The following PHF3 variants were observed in gnomAD, a reference collection of about 807,000 sequenced individuals.
PHF3 encodes the protein PHD finger protein 3.
In PHF3, 41 loss-of-function variants were observed where a neutral mutation model predicts 178.4. That is an observed-to-expected ratio of 0.23 (90% CI 0.18 to 0.30). The LOEUF (loss-of-function observed/expected upper bound fraction) is 0.30. Among genes scored for constraint, PHF3 ranks in the 10% least tolerant of loss-of-function variants. The pLI is 1.00. For synonymous variants in PHF3, 842 were observed against 800.5 expected (o/e 1.05, Z -0.88); for missense variants, 2,346 against 2,398.1 (o/e 0.98, Z 0.45).
intron 5 of PHF3, among the ~76,000 whole-genome samples, chr6:63,694,183 T>G (rs1767131733): frequency 6.6e-6 from 1 of 152,230 alleles, no homozygotes; most frequent in Non-Finnish European, 1.5e-5. Flanking sequence ...TGATGGTTTA[T>G]TCTACCTCAT....
In PHF3 at chr6:63,713,584, C is replaced by A. The variant is rs755204097; in HGVS notation, c.5996C>A (p.Pro1999His). Residue 1999 changes from proline to histidine, a missense_variant, in exon 16 of 16, where the codon CCT becomes CAT. Physicochemically the swap from Pro to His is moderately conservative, Grantham distance 77 (BLOSUM62 -2). Transcript: ENST00000262043. Reference protein sequence around the residue: ...SRNVDKKPDKPKSEDYEKDKE... With the variant: ...SRNVDKKPDKHKSEDYEKDKE... ...AATGTAGACAAGAAGCCAGATAAAC[C>A]TAAAAGTGAAGACTATGAGAAGGAC... 8.1e-6 allele frequency: 13 copies of A among 1,613,244 alleles called. No individual in the cohort carries two copies. The highest frequency in any genetic ancestry group is 9.3e-6 in the Non-Finnish European group (11 of 1,179,802).
In PHF3 at chr6:63,721,295, C is replaced by T; in HGVS notation, c.*7587C>T. The T allele has an allele frequency of 6.4e-7, 1 of 1,551,956 alleles. No homozygotes were observed. The highest frequency in any genetic ancestry group is 8.7e-7 in the Non-Finnish European group (1 of 1,147,000). On this transcript the variant is annotated 3_prime_UTR_variant, in exon 16 of 16. Coordinates refer to ENST00000262043, the MANE Select transcript of PHF3 (RefSeq NM_001370348.2). ...AAAGATTATTCAAACAGGACACAGA[C>T]TGGTTACATGTATTTCCAGCCCAAT...
intron 2 of PHF3, among the ~76,000 whole-genome samples, chr6:63,675,915 G>T (rs915262423): frequency 6.6e-6 from 1 of 152,038 alleles, no homozygotes; most frequent in Admixed American, 6.5e-5. Flanking sequence ...CTGATTCTCT[G>T]CTTTGTGTGT....
chr6:63,707,271 G>A (rs1767735592), intron 13 of PHF3, among the ~76,000 whole-genome samples: 1 of 152,182 alleles, frequency 6.6e-6, no homozygotes, highest in African/African-American at 2.4e-5. Context: ...CACTGCTTAT[G>A]TTTCCCCATC....
chr6:63,643,258 A>G (rs961913112), intron 1 of PHF3, among the ~76,000 whole-genome samples: 9 of 152,128 alleles, frequency 5.9e-5, no homozygotes, highest in Admixed American at 2.0e-4. Context: ...CATTAGAGCT[A>G]TTTTATTTTT....
At chr6:63,700,575 C>G (rs1173874706) in intron 9 of PHF3, 109 bp downstream of exon 9, 1 of 591,368 alleles carries the variant, frequency 1.7e-6, no homozygotes, top group East Asian at 2.9e-5. Context: ...ATAACACAGA[C>G]TTTCTGTTAC....
At chr6:63,678,691 C>G in intron 2 of PHF3, 2 of 279,794 alleles carry the variant, frequency 7.1e-6, no homozygotes, top group Non-Finnish European at 1.4e-5. Flanking sequence ...ATAATCCATT[C>G]TTTCCTCTCT....
chr6:63,690,603 T>C (rs1027328776), intron 4 of PHF3, among the ~76,000 whole-genome samples: 2 of 152,150 alleles, frequency 1.3e-5, no homozygotes, highest in African/African-American at 4.8e-5. Flanking sequence ...AGGAGCTTGG[T>C]ACTATTGGTG....
At chr6:63,646,884 C>CTT (rs745751113) in intron 2 of PHF3, 89 bp downstream of exon 2, 1,312 of 593,348 alleles carry the variant, frequency 2.2e-3, no homozygotes, top group East Asian at 2.5e-3. Flanking sequence ...TTCTTTTTTT[C>CTT]TTTTTTTTTT....
chr6:63,707,611 A>G lies in PHF3; in HGVS notation c.3711+735A>G, dbSNP rs151194264. ...ATTTATGTTGAGATCATATTTTGCT[A>G]TCTTGTTCGTATCTGACCTTTTTCA... On this transcript the variant is annotated intron_variant, in intron 13 of 15. Transcript: ENST00000262043. Among the ~76,000 whole-genome samples the G allele has an allele frequency of 2.5e-3, 378 of 152,218 alleles. 3 individuals carry two copies. Among genetic ancestry groups the G allele is most frequent in the African/African-American group, 8.7e-3 (361 of 41,512 alleles).
At chr6:63,705,816 G>T (rs1767664902) in intron 11 of PHF3, among the ~76,000 whole-genome samples, 1 of 152,144 alleles carries the variant, frequency 6.6e-6, no homozygotes, top group African/African-American at 2.4e-5. Context: ...ATAGAAGAGG[G>T]CTGGCAGTGG....
chr6:63,696,321 A>G (rs1767226707), intron 6 of PHF3, among the ~76,000 whole-genome samples: 1 of 152,024 alleles, frequency 6.6e-6, no homozygotes, highest in African/African-American at 2.4e-5. Flanking sequence ...ACCAGCATTT[A>G]TTTTTACTTT....
Sources: allele counts gnomAD v4.1 joint callset (sites outside exome capture counted in the v4.1 genomes callset), GRCh38; gene constraint gnomAD v4.1.1; transcripts MANE v1.5; gene names NCBI Gene and HGNC (gene_info 2026-07-23, HGNC 2026-07-21).